The following CHCHD6 variants were observed in gnomAD, a reference collection of about 807,000 sequenced individuals.
The protein encoded by CHCHD6 is MICOS complex subunit MIC25.
A neutral mutation model predicts 32.3 loss-of-function variants in CHCHD6; 28 were observed. The observed-to-expected ratio is 0.87, with a 90% CI of 0.64 to 1.19. CHCHD6 has a LOEUF of 1.19. Among genes scored for constraint, CHCHD6 ranks in the 50% most tolerant of loss-of-function variants. The pLI is 0.00. For synonymous variants in CHCHD6, 122 were observed against 117.5 expected, an observed-to-expected ratio of 1.04 and a Z score of -0.25; for missense variants, 333 against 307.0, an observed-to-expected ratio of 1.08 and a Z score of -0.63.
chr3:126,776,053 G>T lies in CHCHD6; in HGVS notation c.411+42831G>T, dbSNP rs574290183. ...TCTGAAGTGGAAGAATATGATGATCGGCTCAGCTACCATTCCCTTAGTAGG... is the reference window on the plus strand; with the variant it reads ...TCTGAAGTGGAAGAATATGATGATCTGCTCAGCTACCATTCCCTTAGTAGG... On this transcript the variant is annotated intron_variant, in intron 4 of 7. Transcript: ENST00000290913. 4.8e-4 allele frequency among the ~76,000 whole-genome samples: 73 copies of T among 152,310 alleles called. 1 individual carries two copies. The South Asian group carries it at 0.015, about 30-fold the overall frequency.
intron 1 of CHCHD6, among the ~76,000 whole-genome samples, chr3:126,706,604 GAGGTGCACAGTA>G (rs1315497277): frequency 6.6e-6 from 1 of 152,054 alleles, no homozygotes; most frequent in African/African-American, 2.4e-5. Flanking sequence ...GACTTGTCCA[GAGGTGCACAGTA>G]AGGTGCACAG....
At chr3:126,815,344 T>G (rs112572263) in intron 4 of CHCHD6, among the ~76,000 whole-genome samples, 3 of 152,142 alleles carry the variant, frequency 2.0e-5, no homozygotes, top group African/African-American at 7.2e-5. Flanking sequence ...ATCCTCTGTA[T>G]GCCAGAGACT....
At chr3:126,734,905 A>G (rs903249364) in intron 4 of CHCHD6, among the ~76,000 whole-genome samples, 11 of 152,224 alleles carry the variant, frequency 7.2e-5, no homozygotes, top group African/African-American at 2.7e-4. Flanking sequence ...ATCCTGAAAC[A>G]GTCAATGGTT....
At chr3:126,748,132 C>A (rs747940448) in intron 4 of CHCHD6, among the ~76,000 whole-genome samples, 4 of 152,136 alleles carry the variant, frequency 2.6e-5, no homozygotes, top group Non-Finnish European at 4.4e-5. Flanking sequence ...TCTGTTACTT[C>A]CCCACTTTCT....
chr3:126,720,382 G>C (rs1332813312), intron 1 of CHCHD6, among the ~76,000 whole-genome samples: 6 of 152,170 alleles, frequency 3.9e-5, no homozygotes, highest in Non-Finnish European at 8.8e-5. Flanking sequence ...CCCAACCGGG[G>C]CTTCTAGTCC....
At chr3:126,906,597 C>G (rs1435681285) in intron 5 of CHCHD6, among the ~76,000 whole-genome samples, 2 of 152,248 alleles carry the variant, frequency 1.3e-5, no homozygotes, top group African/African-American at 2.4e-5. Flanking sequence ...ATTCGGACTT[C>G]TGCCCAGTGT....
chr3:126,828,493 C>A (rs1275734194), intron 4 of CHCHD6, among the ~76,000 whole-genome samples: 1 of 152,196 alleles, frequency 6.6e-6, no homozygotes, highest in Admixed American at 6.5e-5. Flanking sequence ...GGAACTGACG[C>A]AGCTGGCAAA....
intron 4 of CHCHD6, among the ~76,000 whole-genome samples, chr3:126,835,410 C>T (rs573068707): frequency 7.9e-5 from 12 of 152,294 alleles, no homozygotes; most frequent in Admixed American, 2.6e-4. Context: ...CTTAACCTCA[C>T]GGCTCTCCAG....
At chr3:126,746,138 G>A (rs1261384502) in intron 4 of CHCHD6, among the ~76,000 whole-genome samples, 2 of 152,200 alleles carry the variant, frequency 1.3e-5, no homozygotes, top group African/African-American at 2.4e-5. Context: ...CACGTATCAG[G>A]TAACAAAGCT....
chr3:126,893,344 T>G (rs923748985), intron 5 of CHCHD6, among the ~76,000 whole-genome samples: 1 of 152,146 alleles, frequency 6.6e-6, no homozygotes, highest in Admixed American at 6.5e-5. Context: ...GATAGGAGGT[T>G]TTTTCTCTCC....
chr3:126,891,604 T>C (rs1407917820), intron 5 of CHCHD6, among the ~76,000 whole-genome samples: 3 of 152,118 alleles, frequency 2.0e-5, no homozygotes, highest in Admixed American at 2.0e-4. Context: ...GGTAAGCCAG[T>C]AGCGTGAGTC....
intron 4 of CHCHD6, among the ~76,000 whole-genome samples, chr3:126,745,660 C>T (rs1936469540): frequency 6.6e-6 from 1 of 152,178 alleles, no homozygotes; most frequent in African/African-American, 2.4e-5. Flanking sequence ...TCTAACCCTC[C>T]ACCTGGGTTG....
At chr3:126,846,492 C>T (rs1559877852) in intron 4 of CHCHD6, among the ~76,000 whole-genome samples, 1 of 152,128 alleles carries the variant, frequency 6.6e-6, no homozygotes, top group Admixed American at 6.5e-5. Context: ...AAGGGATCCA[C>T]ACTTAAGTAC....
chr3:126,824,534 C>T (rs1055849554), intron 4 of CHCHD6, among the ~76,000 whole-genome samples: 2 of 102,570 alleles, frequency 1.9e-5, no homozygotes, highest in African/African-American at 8.0e-5. Flanking sequence ...GCACTCCAGC[C>T]TAGGTGATAG....
chr3:126,819,109 A>G (rs1940040933), intron 4 of CHCHD6, among the ~76,000 whole-genome samples: 1 of 152,146 alleles, frequency 6.6e-6, no homozygotes, highest in South Asian at 2.1e-4. Context: ...AAACCAGCCC[A>G]TACTCTAAAC....
chr3:126,819,500 C>T (rs1940061762), intron 4 of CHCHD6, among the ~76,000 whole-genome samples: 1 of 152,220 alleles, frequency 6.6e-6, no homozygotes, highest in Admixed American at 6.5e-5. Context: ...AGCAGTATGA[C>T]AGTCCTGAGT....
chr3:126,732,986 G>C, intron 3 of CHCHD6, 92 bp from the exon 4 acceptor site: 2 of 1,408,732 alleles, frequency 1.4e-6, no homozygotes, highest in Non-Finnish European at 2.0e-6. Context: ...GCATTTCCCT[G>C]GTGGCTGAAG....
chr3:126,862,162 T>A (rs1376312749), intron 5 of CHCHD6, among the ~76,000 whole-genome samples: 1 of 33,346 alleles, frequency 3.0e-5, no homozygotes, highest in African/African-American at 1.8e-4. Flanking sequence ...CTCCCCCTCC[T>A]CCACCATCAC....
chr3:126,853,801 A>C (rs1315039166), intron 5 of CHCHD6, among the ~76,000 whole-genome samples: 1 of 152,206 alleles, frequency 6.6e-6, no homozygotes, highest in Non-Finnish European at 1.5e-5. Context: ...TTCACAGAGC[A>C]GTCTCATGCA....
Sources: allele counts gnomAD v4.1 joint callset (sites outside exome capture counted in the v4.1 genomes callset), GRCh38; gene constraint gnomAD v4.1.1; transcripts MANE v1.5; gene names NCBI Gene and HGNC (gene_info 2026-07-23, HGNC 2026-07-21).